The following C2CD3 variants were observed in gnomAD, a reference collection of about 807,000 sequenced individuals.
C2CD3 encodes C2 domain containing 3 centriole elongation regulator.
Under a neutral mutation model 234.0 loss-of-function variants are expected in C2CD3, and 148 were observed. The ratio of observed to expected loss-of-function variants is 0.63; its 90% CI spans 0.55 to 0.72. The LOEUF (loss-of-function observed/expected upper bound fraction) is 0.72. Ranked by LOEUF, C2CD3 falls within the 30% of genes least tolerant of loss-of-function variation. The pLI is 0.00. For synonymous variants in C2CD3, 1,000 were observed against 1,035.4 expected (o/e 0.97, Z 0.66); for missense variants, 2,577 against 2,811.5 (o/e 0.92, Z 1.89).
At chr11:74,140,083 C>G (rs1726769) in intron 3 of C2CD3, among the ~76,000 whole-genome samples, 3 of 88,094 alleles carry the variant, frequency 3.4e-5, no homozygotes, top group Non-Finnish European at 4.9e-5. Flanking sequence ...CCATTCCCTA[C>G]AGGATTGTAA....
Position 74,074,481 on chromosome 11 carries a change from C to G in C2CD3, c.4723G>C (p.Asp1575His), listed in dbSNP as rs1954942271. 30 of 1,613,978 alleles carry G rather than the reference C, an allele frequency of 1.9e-5. No individual in the cohort carries two copies. In the East Asian group the frequency reaches 6.5e-4, roughly 35 times the overall value. Residue 1575 changes from aspartate to histidine, a missense_variant, in exon 24 of 33, where the codon GAC becomes CAC. Transcript: ENST00000334126. ...TCAGACTCACTGTGGCTGCTGCAGT[C>G]CATGGAGTCCAGCTCATGAGTGGGC... ...LEPTHELDSM[D>H]CSSHSESEQL...
rs1955517961 is a variant in C2CD3, at chr11:74,083,934, C to G, written c.4000+947G>C. Among the ~76,000 whole-genome samples, 7 of 152,264 alleles carry G rather than the reference C, an allele frequency of 4.6e-5. No homozygotes were observed. In the South Asian group the frequency reaches 1.5e-3, roughly 32 times the overall value. On this transcript the variant is annotated intron_variant, in intron 22 of 32. Coordinates refer to ENST00000334126, the MANE Select transcript of C2CD3 (RefSeq NM_001286577.2). ...GAATTACCATTTGACCCAGCCATCC[C>G]ATGACTGGGTATATACCCAAAGGAT...
At chr11:74,102,714 C>T (rs1956359636) in intron 14 of C2CD3, among the ~76,000 whole-genome samples, 1 of 152,054 alleles carries the variant, frequency 6.6e-6, no homozygotes, top group African/African-American at 2.4e-5. Flanking sequence ...AATTTAAGCA[C>T]CACATTACAC....
intron 14 of C2CD3, 118 bp from the exon 15 acceptor site, chr11:74,100,794 G>T: frequency 3.8e-6 from 3 of 787,568 alleles, no homozygotes; most frequent in Non-Finnish European, 5.9e-6. Flanking sequence ...AGTGTTATGA[G>T]CTAAAGACAT....
intron 22 of C2CD3, among the ~76,000 whole-genome samples, chr11:74,083,916 C>T (rs1955516690): frequency 6.6e-6 from 1 of 152,090 alleles, no homozygotes. Flanking sequence ...ATAGAATTAC[C>T]ATTTGACCCA....
intron 24 of C2CD3, among the ~76,000 whole-genome samples, chr11:74,060,300 A>G (rs184259690): frequency 3.3e-5 from 5 of 152,352 alleles, no homozygotes; most frequent in Admixed American, 3.3e-4. Context: ...TTGAGATCTG[A>G]GAACGGACAG....
intron 32 of C2CD3, among the ~76,000 whole-genome samples, chr11:74,018,078 TCTGGGTCTTA>T (rs1412453403): frequency 1.3e-5 from 2 of 152,182 alleles, no homozygotes; most frequent in African/African-American, 4.8e-5. Context: ...TCTGGGTCTC[TCTGGGTCTTA>T]GCTTCACTGT....
At chr11:74,130,146 A>G (rs1590892297) in intron 7 of C2CD3, among the ~76,000 whole-genome samples, 2 of 87,202 alleles carry the variant, frequency 2.3e-5, no homozygotes, top group East Asian at 3.5e-4. Flanking sequence ...GGAGAGGGAG[A>G]GGGGAGAGGG....
intron 22 of C2CD3, 151 bp from the exon 23 acceptor site, chr11:74,078,868 C>A (rs1591409320): frequency 2.9e-6 from 2 of 691,634 alleles, no homozygotes; most frequent in Non-Finnish European, 4.7e-6. Context: ...GTTCATCTGA[C>A]CATTGAGAGG....
At chr11:74,078,847 T>G in intron 22 of C2CD3, 130 bp from the exon 23 acceptor site, 1 of 797,822 alleles carries the variant, frequency 1.3e-6, no homozygotes, top group Non-Finnish European at 1.9e-6. Context: ...CCACAGTGAG[T>G]TGGAGTTTAT....
At chr11:74,081,838 C>A (rs1415918774) in intron 22 of C2CD3, among the ~76,000 whole-genome samples, 1 of 152,154 alleles carries the variant, frequency 6.6e-6, no homozygotes. Flanking sequence ...ATTTTGTATC[C>A]TGAGACTTTG....
chr11:74,025,250 A>G (rs1228647470), intron 32 of C2CD3, among the ~76,000 whole-genome samples: 4 of 152,256 alleles, frequency 2.6e-5, no homozygotes, highest in African/African-American at 9.6e-5. Context: ...ACCATAAGTC[A>G]AATGTCATGA....
intron 23 of C2CD3, among the ~76,000 whole-genome samples, chr11:74,077,444 T>C (rs182681173): frequency 1.3e-5 from 2 of 152,110 alleles, no homozygotes; most frequent in African/African-American, 4.8e-5. Context: ...AGTGGAACTT[T>C]AAAAACAATC....
intron 18 of C2CD3, 103 bp from the exon 19 acceptor site, chr11:74,092,691 T>A (rs1955942582): frequency 1.1e-6 from 1 of 913,054 alleles, no homozygotes; most frequent in Non-Finnish European, 1.7e-6. Context: ...TGGTGCCTGA[T>A]TGTTCTGTGT....
chr11:74,056,291 T>C (rs1045634348), intron 25 of C2CD3, among the ~76,000 whole-genome samples: 1 of 152,248 alleles, frequency 6.6e-6, no homozygotes, highest in Non-Finnish European at 1.5e-5. Flanking sequence ...AATGATTTTG[T>C]TACTATTATC....
chr11:74,109,419 T>C (rs1272821993), intron 11 of C2CD3: 2 of 348,784 alleles, frequency 5.7e-6, no homozygotes, highest in Non-Finnish European at 1.0e-5. Flanking sequence ...ATATGAGTAC[T>C]GGATGTGTAA....
At chr11:74,164,293 C>T (rs544977795) in intron 2 of C2CD3, 5 of 943,750 alleles carry the variant, frequency 5.3e-6, no homozygotes, top group Non-Finnish European at 6.3e-6. Flanking sequence ...ATAATTTTCT[C>T]AGTTTCTACT....
At chr11:74,065,129 C>T (rs959271004) in intron 24 of C2CD3, among the ~76,000 whole-genome samples, 86 of 152,236 alleles carry the variant, frequency 5.6e-4, no homozygotes, top group Middle Eastern at 3.4e-3. Context: ...AACAGGCAAC[C>T]TACAGAATGG....
intron 2 of C2CD3, chr11:74,168,141 T>G: frequency 1.8e-6 from 1 of 562,560 alleles, no homozygotes; most frequent in Non-Finnish European, 3.1e-6. Flanking sequence ...TTGTAAGGAT[T>G]AGAAGTAATA....
Sources: allele counts gnomAD v4.1 joint callset (sites outside exome capture counted in the v4.1 genomes callset), GRCh38; gene constraint gnomAD v4.1.1; transcripts MANE v1.5; gene names NCBI Gene and HGNC (gene_info 2026-07-23, HGNC 2026-07-21).